The following CADM2 variants were observed in gnomAD, a reference collection of about 807,000 sequenced individuals.
CADM2 encodes cell adhesion molecule 2, also known as immunoglobulin superfamily member 4D.
A neutral mutation model predicts 49.8 loss-of-function variants in CADM2; 12 were observed. That is an observed-to-expected ratio of 0.24 (90% confidence interval 0.15 to 0.39). The LOEUF (loss-of-function observed/expected upper bound fraction) is 0.39, where lower values mean the gene tolerates loss of function less well. Ranked by LOEUF, CADM2 falls within the 10% of genes least tolerant of loss-of-function variation. The pLI, the probability that CADM2 is intolerant of heterozygous loss-of-function variation, is 1.00. For synonymous variants in CADM2, 214 were observed against 175.4 expected, an observed-to-expected ratio of 1.22 and a Z score of -1.74; for missense variants, 378 against 492.3, an observed-to-expected ratio of 0.77 and a Z score of 2.20.
chr3:85,075,405 T>G (rs781457484), intron 1 of CADM2, among the ~76,000 whole-genome samples: 5 of 152,108 alleles, frequency 3.3e-5, no homozygotes, highest in African/African-American at 4.8e-5. Flanking sequence ...AGTCTTCATT[T>G]AAGAGGGGAA....
chr3:85,084,826 G>T (rs2037309103), intron 1 of CADM2, among the ~76,000 whole-genome samples: 1 of 151,788 alleles, frequency 6.6e-6, no homozygotes, highest in Non-Finnish European at 1.5e-5. Context: ...TTCAATATTA[G>T]GTTGCTCTTG....
intron 1 of CADM2, among the ~76,000 whole-genome samples, chr3:85,297,426 G>A (rs190983626): frequency 2.5e-4 from 38 of 152,140 alleles, no homozygotes; most frequent in Non-Finnish European, 4.1e-4. Context: ...TTCCAGGATG[G>A]TGGTGATACT....
At chr3:85,342,529 G>A (rs552403296) in intron 1 of CADM2, among the ~76,000 whole-genome samples, 9 of 151,980 alleles carry the variant, frequency 5.9e-5, no homozygotes, top group African/African-American at 2.2e-4. Context: ...TGTGGCAGAG[G>A]GCTGACAAAC....
chr3:85,414,827 C>T (rs1166949375), intron 1 of CADM2, among the ~76,000 whole-genome samples: 3 of 152,052 alleles, frequency 2.0e-5, no homozygotes, highest in South Asian at 4.1e-4. Context: ...ATGTGTTATG[C>T]GGGAAGGGGT....
chr3:85,032,388 A>G (rs1314879641), intron 1 of CADM2, among the ~76,000 whole-genome samples: 1 of 152,202 alleles, frequency 6.6e-6, no homozygotes, highest in Non-Finnish European at 1.5e-5. Context: ...AAAAGCACAG[A>G]CAGAGAAAGT....
At chr3:85,915,481 AG>A (rs1718165449) in intron 6 of CADM2, among the ~76,000 whole-genome samples, 2 of 152,138 alleles carry the variant, frequency 1.3e-5, no homozygotes, top group Non-Finnish European at 2.9e-5. Flanking sequence ...AGATTAAATG[AG>A]TAGAGGATGG....
chr3:85,058,790 T>C (rs2036190985), intron 1 of CADM2, among the ~76,000 whole-genome samples: 1 of 152,278 alleles, frequency 6.6e-6, no homozygotes, highest in Middle Eastern at 3.4e-3. Flanking sequence ...TGATTGTTTA[T>C]AGATTTAGAT....
At chr3:85,769,801 G>C (rs1419303629) in intron 2 of CADM2, among the ~76,000 whole-genome samples, 1 of 150,904 alleles carries the variant, frequency 6.6e-6, no homozygotes, top group Non-Finnish European at 1.5e-5. Flanking sequence ...TGACCTATAA[G>C]TAGAAAATAT....
intron 1 of CADM2, among the ~76,000 whole-genome samples, chr3:85,405,616 T>G: frequency 6.6e-6 from 1 of 152,154 alleles, no homozygotes; most frequent in East Asian, 1.9e-4. Flanking sequence ...AACGTTGACC[T>G]CACTCAAAAG....
chr3:85,138,869 G>A (rs1263293871), intron 1 of CADM2, among the ~76,000 whole-genome samples: 2 of 152,148 alleles, frequency 1.3e-5, no homozygotes, highest in African/African-American at 4.8e-5. Context: ...GAGAAAACAA[G>A]GATGAAGTAT....
chr3:85,065,849 T>C (rs1050848419), intron 1 of CADM2, among the ~76,000 whole-genome samples: 1 of 152,168 alleles, frequency 6.6e-6, no homozygotes, highest in African/African-American at 2.4e-5. Flanking sequence ...GGAGTATATA[T>C]GAAAAAAATA....
At chr3:85,305,422 C>T (rs926504006) in intron 1 of CADM2, among the ~76,000 whole-genome samples, 5 of 151,588 alleles carry the variant, frequency 3.3e-5, no homozygotes, top group African/African-American at 4.8e-5. Flanking sequence ...TTCATATGTA[C>T]AGACAGTCAT....
chr3:85,520,150 A>G (rs756184876), intron 1 of CADM2, among the ~76,000 whole-genome samples: 16 of 152,026 alleles, frequency 1.1e-4, no homozygotes, highest in Non-Finnish European at 1.9e-4. Context: ...TACAGAGGTA[A>G]ACTTCAACTC....
At chr3:85,617,410 G>C (rs1346623098) in intron 1 of CADM2, among the ~76,000 whole-genome samples, 1 of 152,160 alleles carries the variant, frequency 6.6e-6, no homozygotes, top group East Asian at 1.9e-4. Context: ...GAGGTCTGGA[G>C]GGGTACTACA....
At chr3:85,890,010 A>C (rs955601243) in intron 5 of CADM2, among the ~76,000 whole-genome samples, 1 of 152,276 alleles carries the variant, frequency 6.6e-6, no homozygotes, top group South Asian at 2.1e-4. Flanking sequence ...TAAACAATGT[A>C]TAAACCAAAC....
chr3:85,769,993 A>G (rs1033186143), intron 2 of CADM2, among the ~76,000 whole-genome samples: 3 of 151,028 alleles, frequency 2.0e-5, no homozygotes, highest in African/African-American at 7.4e-5. Context: ...TGATTCAAAA[A>G]ACAAACAAAA....
intron 2 of CADM2, chr3:85,800,920 GTGCTTGTAGTAA>G (rs1204044309): frequency 6.6e-6 from 1 of 152,188 alleles, no homozygotes; most frequent in East Asian, 1.9e-4. Context: ...ACCTCAAGTG[GTGCTTGTAGTAA>G]TTATTGAATC....
In CADM2 at chr3:85,317,983, T is replaced by A. The variant is rs768985571; in HGVS notation, c.61+358315T>A. 5.1e-4 allele frequency among the ~76,000 whole-genome samples: 78 copies of A among 152,000 alleles called. 3 individuals are homozygous for A. Among genetic ancestry groups the A allele is most frequent in the Admixed American group, 3.4e-3 (52 of 15,246 alleles). ...CCATGCTAAATTTTAAACTATGGGT[T>A]AAGTGGTAGTTTACAGAACATGTTC... On this transcript the variant is annotated intron_variant, in intron 1 of 9. Coordinates refer to ENST00000383699, the MANE Select transcript of CADM2 (RefSeq NM_001167675.2).
rs181941360 is a variant in CADM2, at chr3:85,884,593, T to A, written c.391+1150T>A. 4.3e-3 allele frequency among the ~76,000 whole-genome samples: 649 copies of A among 152,288 alleles called. 5 individuals carry two copies. Among genetic ancestry groups the A allele is most frequent in the African/African-American group, 0.014 (599 of 41,556 alleles). On this transcript the variant is annotated intron_variant, in intron 4 of 9. Coordinates refer to ENST00000383699, the MANE Select transcript of CADM2 (RefSeq NM_001167675.2). The stretch of plus-strand genomic sequence containing the variant: ...AAATGGTGATGAGGCATAGATTTTT[T>A]AAAAAGAAAGCAGGTAGTATGTAGG...
Sources: allele counts gnomAD v4.1 joint callset (sites outside exome capture counted in the v4.1 genomes callset), GRCh38; gene constraint gnomAD v4.1.1; transcripts MANE v1.5; gene names NCBI Gene and HGNC (gene_info 2026-07-23, HGNC 2026-07-21).